Variants in DRICH1 observed in about 807,000 individuals in gnomAD.
DRICH1 encodes aspartate-rich protein 1.
DRICH1 carries 38 observed loss-of-function variants against 39.5 expected under a neutral mutation model. That is an observed-to-expected ratio of 0.96 (90% CI 0.74 to 1.26). The LOEUF is 1.26. DRICH1 is among the 50% of genes most tolerant of loss of function. The pLI, the probability that DRICH1 is intolerant of heterozygous loss-of-function variation, is 0.00. For missense variants in DRICH1, 279 were observed against 270.4 expected, an observed-to-expected ratio of 1.03 and a Z score of -0.22; for synonymous variants, 84 against 99.5, an observed-to-expected ratio of 0.84 and a Z score of 0.93.
At chr22:23,630,866 G>C (rs1928347940) in intron 1 of DRICH1, 1 of 152,180 alleles carries the variant, frequency 6.6e-6, no homozygotes, top group Non-Finnish European at 1.5e-5. Context: ...AAGCAGGGAA[G>C]AGAGTCCCCT....
chr22:23,623,469 T>C (rs1285174599), intron 3 of DRICH1, among the ~76,000 whole-genome samples: 1 of 152,196 alleles, frequency 6.6e-6, no homozygotes, highest in African/African-American at 2.4e-5. Flanking sequence ...TAAATCTAAC[T>C]AATCAGCTGT....
intron 11 of DRICH1, among the ~76,000 whole-genome samples, chr22:23,610,092 C>A (rs1383105269): frequency 6.6e-6 from 1 of 152,148 alleles, no homozygotes; most frequent in Non-Finnish European, 1.5e-5. Flanking sequence ...CGTCTCTCCT[C>A]CCCAGCACCA....
At chr22:23,590,755 C>T in the DRICH1 span, among the ~76,000 whole-genome samples, 35 of 152,130 alleles carry the variant, frequency 2.3e-4, no homozygotes, top group East Asian at 1.5e-3. Context: ...TGCACCACCA[C>T]GCCCGGATAT....
chr22:23,600,391 C>T, the DRICH1 span, among the ~76,000 whole-genome samples: 1 of 152,182 alleles, frequency 6.6e-6, no homozygotes, highest in Non-Finnish European at 1.5e-5. Flanking sequence ...GGCCATAGCT[C>T]TGCACCTAGC....
rs1927433785 is a variant in DRICH1 at position 23,617,556 on chromosome 22, CAAAG to C, written c.519+15_519+18del. 6.2e-7 allele frequency: 1 copy of C among 1,613,154 alleles called. No individual in the cohort carries two copies. The highest frequency in any genetic ancestry group is 8.5e-7 in the Non-Finnish European group (1 of 1,179,222). ...AGAAAACCAACATTTCCTTAGAAGA[CAAAG>C]AAAGGTTGTCTTACCTGGGCATCAT... On this transcript the variant is annotated intron_variant, in intron 7 of 11. Coordinates refer to ENST00000317749, the MANE Select transcript of DRICH1 (RefSeq NM_016449.4).
intron 8 of DRICH1, among the ~76,000 whole-genome samples, chr22:23,615,496 T>G (rs979711669): frequency 6.6e-6 from 1 of 152,168 alleles, no homozygotes; most frequent in Non-Finnish European, 1.5e-5. Flanking sequence ...AACATGAAGA[T>G]CCTCGGAAGT....
At chr22:23,607,546 G>T (rs1031877545), downstream of DRICH1, among the ~76,000 whole-genome samples, 4 of 150,540 alleles carry the variant, frequency 2.7e-5, no homozygotes, top group East Asian at 3.9e-4. Context: ...GGCGGGGGGG[G>T]GCCTCTTGCC....
the DRICH1 span, among the ~76,000 whole-genome samples, chr22:23,597,374 A>AGT: frequency 6.9e-6 from 1 of 145,888 alleles, no homozygotes; most frequent in Admixed American, 6.9e-5. Context: ...GGTCACCTAT[A>AGT]GGTGCAGCTA....
At chr22:23,621,055 GATTA>G (rs760133899) in intron 4 of DRICH1, among the ~76,000 whole-genome samples, 3 of 152,274 alleles carry the variant, frequency 2.0e-5, no homozygotes, top group South Asian at 2.1e-4. Flanking sequence ...TTTATACCAA[GATTA>G]ATTGAGAAGG....
intron 3 of DRICH1, among the ~76,000 whole-genome samples, chr22:23,623,294 A>G (rs1307666428): frequency 6.6e-6 from 1 of 152,140 alleles, no homozygotes; most frequent in African/African-American, 2.4e-5. Flanking sequence ...AGTCCCAGCT[A>G]CTCAGGAGGA....
chr22:23,619,512 T>C (rs755155982), intron 5 of DRICH1, 119 bp from the exon 6 acceptor site: 1 of 712,796 alleles, frequency 1.4e-6, no homozygotes, highest in Non-Finnish European at 2.6e-6. Flanking sequence ...GATTGAAATC[T>C]ACAAAAAACA....
At chr22:23,622,525 C>T (rs558124911) in intron 3 of DRICH1, among the ~76,000 whole-genome samples, 1 of 152,230 alleles carries the variant, frequency 6.6e-6, no homozygotes, top group South Asian at 2.1e-4. Context: ...TATTCAAGAT[C>T]GTGTCAGTAC....
At chr22:23,631,407 C>A (rs974869499) in intron 1 of DRICH1, among the ~76,000 whole-genome samples, 1 of 148,120 alleles carries the variant, frequency 6.8e-6, no homozygotes, top group Non-Finnish European at 1.5e-5. Flanking sequence ...CAGAGCAAGA[C>A]TCCATCTAAA....
intron 8 of DRICH1, among the ~76,000 whole-genome samples, chr22:23,616,255 A>G (rs923425930): frequency 1.4e-4 from 22 of 152,176 alleles, no homozygotes; most frequent in Non-Finnish European, 3.1e-4. Context: ...AGGCTTTGAG[A>G]TTTTGCAGTG....
At position 23,621,949 on chromosome 22, in the gene DRICH1, A is replaced by AC. The variant is rs1343254368; in HGVS notation, c.384+141_384+142insG. ...AAAACAAAAAAAGAAAAGAAAAGAA[A>AC]AAAGAAACAAAGAAAGGAAAGAAAA... is the stretch of plus-strand genomic sequence containing the variant. On this transcript the variant is annotated intron_variant, in intron 4 of 11. Coordinates refer to ENST00000317749, the MANE Select transcript of DRICH1 (RefSeq NM_016449.4). 9.9e-6 allele frequency: 8 copies of AC among 804,676 alleles called. No individual in the cohort carries two copies. In the Admixed American group the frequency reaches 2.0e-4, roughly 20 times the overall value. 49.8% of individuals were successfully genotyped at this position (804,676 alleles called of 1,614,324 possible). A position where few individuals can be genotyped will look rare whatever the true frequency, so the allele number is the denominator to read the frequency against.
chr22:23,622,003 A>T, intron 4 of DRICH1, 88 bp downstream of exon 4: 1 of 1,189,802 alleles, frequency 8.4e-7, no homozygotes, highest in Non-Finnish European at 1.3e-6. Flanking sequence ...TAGCTCCCTG[A>T]GTCCATTCTT....
At chr22:23,619,307 A>G in intron 6 of DRICH1, 57 bp downstream of exon 6, 1 of 776,868 alleles carries the variant, frequency 1.3e-6, no homozygotes, top group Non-Finnish European at 2.4e-6. Context: ...ATATTCATGG[A>G]TAGGAAGACT....
rs373500135 is a variant in DRICH1, at chr22:23,616,948, C to G, written c.520-74G>C. 4.7e-4 allele frequency: 729 copies of G among 1,536,306 alleles called. 2 individuals are homozygous for G. In the African/African-American group the frequency reaches 8.6e-3, roughly 18 times the overall value. On this transcript the variant is annotated intron_variant, in intron 7 of 11. Coordinates refer to ENST00000317749, the MANE Select transcript of DRICH1 (RefSeq NM_016449.4). ...ACACCCCTTACACAGATCTGTTAGT[C>G]TCTTGATGACTTCACAAAACTATTT...
In DRICH1 at chr22:23,626,010, A is replaced by T. The variant is rs1341771440; in HGVS notation, c.247T>A (p.Ser83Thr). 3 of 1,613,440 alleles carry T rather than the reference A, an allele frequency of 1.9e-6. No homozygotes were observed. The African/African-American group carries it at 4.0e-5, about 22-fold the overall frequency. ...GCATCATCATTGTCTTCCTCACTTG[A>T]TGGCAGAAATTTTAAACTCAGGCGG... ...EDRLSLKFLPSSEEDNDDAKI... is the reference protein window; with the variant it reads ...EDRLSLKFLPTSEEDNDDAKI... Residue 83 changes from serine (S) to threonine (T), a missense_variant, in exon 2 of 12, where the codon TCA (serine) becomes ACA (threonine). Transcript: ENST00000317749.
Sources: gnomAD v4.1 joint callset for allele counts (sites outside exome capture counted in the v4.1 genomes callset) on GRCh38, gnomAD v4.1.1 for gene constraint, MANE v1.5 for transcripts, NCBI Gene and HGNC (gene_info 2026-07-23, HGNC 2026-07-21) for gene names.